The following CSMD3 variants were observed in gnomAD, a reference collection of about 807,000 sequenced individuals.
CSMD3 encodes CUB and Sushi multiple domains 3, also known as CUB and sushi domain-containing protein 3.
In CSMD3, 177 loss-of-function variants were observed where a neutral mutation model predicts 435.2. That is an observed-to-expected ratio of 0.41 (90% CI 0.36 to 0.46). The LOEUF is 0.46. CSMD3 is among the 20% of genes least tolerant of loss of function. The pLI, the probability that CSMD3 is intolerant of heterozygous loss-of-function variation, is 0.34. For missense variants in CSMD3, 4,265 were observed against 4,504.6 expected (o/e 0.95, Z 1.52); for synonymous variants, 1,656 against 1,520.5 (o/e 1.09, Z -2.07).
chr8:113,226,025 C>T (rs2093024139), intron 3 of CSMD3, among the ~76,000 whole-genome samples: 1 of 151,384 alleles, frequency 6.6e-6, no homozygotes, highest in Admixed American at 6.6e-5. Context: ...CTTCCTGCTG[C>T]CACGTAAAGA....
At chr8:112,983,042 C>T (rs1218267689) in intron 6 of CSMD3, among the ~76,000 whole-genome samples, 2 of 151,950 alleles carry the variant, frequency 1.3e-5, no homozygotes, top group Non-Finnish European at 2.9e-5. Flanking sequence ...AGTATCATTT[C>T]CCCATCTGCT....
intron 4 of CSMD3, among the ~76,000 whole-genome samples, chr8:113,129,168 T>C (rs967534961): frequency 6.6e-6 from 1 of 152,172 alleles, no homozygotes; most frequent in South Asian, 2.1e-4. Context: ...ATATTTTATG[T>C]TTCCCTTTTC....
intron 24 of CSMD3, among the ~76,000 whole-genome samples, chr8:112,565,684 C>T (rs764573849): frequency 2.4e-4 from 37 of 152,168 alleles, no homozygotes; most frequent in Non-Finnish European, 4.6e-4. Context: ...GCCCAGAGTA[C>T]TGACTAATGG....
intron 6 of CSMD3, among the ~76,000 whole-genome samples, chr8:112,993,792 C>A (rs1346413322): frequency 6.6e-6 from 1 of 151,688 alleles, no homozygotes; most frequent in African/African-American, 2.4e-5. Flanking sequence ...AGGGGCCAAC[C>A]ATATGAAGGC....
intron 11 of CSMD3, among the ~76,000 whole-genome samples, chr8:112,830,064 T>C (rs1005897634): frequency 3.3e-5 from 5 of 152,180 alleles, no homozygotes; most frequent in African/African-American, 7.2e-5. Flanking sequence ...AAATTTTCAA[T>C]GAAATTGCAT....
intron 70 of CSMD3, among the ~76,000 whole-genome samples, chr8:112,225,214 AATT>A (rs1423569191): frequency 6.6e-6 from 1 of 152,102 alleles, no homozygotes; most frequent in Non-Finnish European, 1.5e-5. Flanking sequence ...CAAAATTAGA[AATT>A]ATTATGACTT....
At chr8:113,324,928 T>C (rs1219365646) in intron 1 of CSMD3, among the ~76,000 whole-genome samples, 1 of 152,200 alleles carries the variant, frequency 6.6e-6, no homozygotes, top group Non-Finnish European at 1.5e-5. Context: ...AAGGAGATCA[T>C]TTTGGAACTT....
In CSMD3 at chr8:112,794,285, C is replaced by CTTTTTTTTTTTTTTTTTTTTT. The variant is rs1203991072; in HGVS notation, c.1972+5856_1972+5876dup. Among the ~76,000 whole-genome samples the CTTTTTTTTTTTTTTTTTTTTT allele has an allele frequency of 1.5e-4, 14 of 96,302 alleles. 4 individuals carry two copies. The highest frequency in any genetic ancestry group is 2.3e-4 in the African/African-American group (6 of 25,776). 63.2% of individuals were successfully genotyped at this position (96,302 alleles called of 152,430 possible). A position where few individuals can be genotyped will look rare whatever the true frequency, so the allele number is the denominator to read the frequency against. ...TTGCCCCAGATGCTGGACTGATAAA[C>CTTTTTTTTTTTTTTTTTTTTT]TTTTTTTTTTTTTTTTTTTTTTTTT... On this transcript the variant is annotated intron_variant, in intron 13 of 70. Transcript: ENST00000297405.
intron 27 of CSMD3, among the ~76,000 whole-genome samples, chr8:112,526,348 C>T (rs1486580910): frequency 6.6e-6 from 1 of 151,990 alleles, no homozygotes; most frequent in Non-Finnish European, 1.5e-5. Flanking sequence ...GAACATGGTA[C>T]TGGCATACTA....
At position 112,921,722 on chromosome 8, in the gene CSMD3, T is replaced by C; in HGVS notation, c.1538A>G (p.Asp513Gly). 2 of 1,610,812 alleles carry C rather than the reference T, an allele frequency of 1.2e-6. No individual in the cohort carries two copies. Among genetic ancestry groups the C allele is most frequent in the Non-Finnish European group, 1.7e-6 (2 of 1,177,296 alleles). ...SLGSTVQFSC[D>G]EDYVLQGAKS... ...TGCGCCCTGTAGGACATAATCTTCATCACAAGAGAACTGCACAGTTGATCC... is the reference window on the plus strand; with the variant it reads ...TGCGCCCTGTAGGACATAATCTTCACCACAAGAGAACTGCACAGTTGATCC... The change falls in exon 10 of 71, where the codon GAT (aspartate) becomes GGT (glycine). Residue 513 changes from aspartate to glycine, a missense_variant. By Grantham distance (94) the Asp-to-Gly change is moderately conservative. This residue lies in a region of CSMD3 where 731 missense variants were observed against 755.4 expected (regional missense o/e 0.97). Transcript: ENST00000297405.
At chr8:113,038,895 T>C (rs902377222) in intron 5 of CSMD3, among the ~76,000 whole-genome samples, 1 of 152,222 alleles carries the variant, frequency 6.6e-6, no homozygotes, top group Non-Finnish European at 1.5e-5. Flanking sequence ...TTTTACTTCA[T>C]GCCATTTTAT....
At chr8:112,962,986 G>A (rs1412239387) in intron 7 of CSMD3, among the ~76,000 whole-genome samples, 1 of 151,924 alleles carries the variant, frequency 6.6e-6, no homozygotes, top group Non-Finnish European at 1.5e-5. Context: ...AGATCCCCAG[G>A]TGATTCTTCC....
At chr8:113,272,125 T>C (rs943098183) in intron 3 of CSMD3, among the ~76,000 whole-genome samples, 11 of 152,188 alleles carry the variant, frequency 7.2e-5, no homozygotes, top group Non-Finnish European at 1.5e-4. Context: ...TTTGATTTTA[T>C]GGGCTCATAG....
chr8:112,875,505 A>T (rs1197410059), intron 10 of CSMD3, among the ~76,000 whole-genome samples: 1 of 152,076 alleles, frequency 6.6e-6, no homozygotes, highest in East Asian at 1.9e-4. Flanking sequence ...TAATACCCTG[A>T]AGAGTGTTTT....
intron 12 of CSMD3, among the ~76,000 whole-genome samples, chr8:112,809,820 T>C (rs186305164): frequency 3.2e-4 from 49 of 152,300 alleles, no homozygotes; most frequent in Non-Finnish European, 5.7e-4. Context: ...AAATCCATTC[T>C]CTACCCCTTT....
At chr8:113,205,280 G>T (rs2092758616) in intron 3 of CSMD3, among the ~76,000 whole-genome samples, 1 of 152,110 alleles carries the variant, frequency 6.6e-6, no homozygotes, top group Admixed American at 6.6e-5. Flanking sequence ...ACCGTGGCCG[G>T]CAGGGAACTC....
chr8:112,376,577 T>C (rs1244456624), intron 38 of CSMD3, among the ~76,000 whole-genome samples: 2 of 151,946 alleles, frequency 1.3e-5, no homozygotes, highest in Non-Finnish European at 2.9e-5. Flanking sequence ...CTAAGTGGCC[T>C]GAATGAGGTG....
At chr8:112,740,432 C>T (rs914544332) in intron 13 of CSMD3, among the ~76,000 whole-genome samples, 13 of 151,708 alleles carry the variant, frequency 8.6e-5, no homozygotes, top group Admixed American at 5.3e-4. Flanking sequence ...TGACCTTCCT[C>T]ACTCTTTTTT....
At chr8:113,314,841 A>G in intron 1 of CSMD3, 48 bp from the exon 2 acceptor site, 2 of 1,190,736 alleles carry the variant, frequency 1.7e-6, no homozygotes, top group Non-Finnish European at 2.5e-6. Context: ...TAAATCAAGA[A>G]CAATCCATGA....
Sources: allele counts gnomAD v4.1 joint callset (sites outside exome capture counted in the v4.1 genomes callset), GRCh38; gene constraint gnomAD v4.1.1; regional missense constraint gnomAD v4.1.1; transcripts MANE v1.5; gene names NCBI Gene and HGNC (gene_info 2026-07-23, HGNC 2026-07-21).